Variants in SEZ6L observed in about 807,000 individuals in gnomAD.
SEZ6L encodes the protein seizure 6-like protein.
SEZ6L carries 37 observed loss-of-function variants against 106.2 expected under a neutral mutation model. The ratio of observed to expected loss-of-function variants is 0.35; its 90% CI spans 0.27 to 0.46. The LOEUF is 0.46. Ranked by LOEUF, SEZ6L falls within the 20% of genes least tolerant of loss-of-function variation. The pLI is 1.00. For missense variants in SEZ6L, 1,172 were observed against 1,332.8 expected, an observed-to-expected ratio of 0.88 and a Z score of 1.88; for synonymous variants, 541 against 570.4, an observed-to-expected ratio of 0.95 and a Z score of 0.73.
intron 1 of SEZ6L, among the ~76,000 whole-genome samples, chr22:26,178,250 C>T (rs1028642241): frequency 6.6e-6 from 1 of 152,172 alleles, no homozygotes; most frequent in African/African-American, 2.4e-5. Flanking sequence ...AAGGCACCAG[C>T]AGATAAGCTT....
At chr22:26,353,943 A>G (rs1161193512) in intron 12 of SEZ6L, among the ~76,000 whole-genome samples, 1 of 152,198 alleles carries the variant, frequency 6.6e-6, no homozygotes, top group East Asian at 1.9e-4. Context: ...TCAAAGTTCT[A>G]ACCCACAGTA....
In SEZ6L at chr22:26,298,929, T is replaced by C. The variant is rs930571191; in HGVS notation, c.1163-55T>C. 1.5e-5 allele frequency: 22 copies of C among 1,487,198 alleles called. No homozygotes were observed. In the Admixed American group the frequency reaches 4.4e-4, roughly 30 times the overall value. The allele number at this position is 1,487,198 out of a possible 1,614,324, so 92.1% of individuals were successfully genotyped here. On this transcript the variant is annotated intron_variant, in intron 4 of 16. Coordinates refer to ENST00000248933, the MANE Select transcript of SEZ6L (RefSeq NM_021115.5). ...ACTGGCTCCCAGGATGTGGGTCAGG[T>C]TCTTGATCTGCCACTCCAAGTGATG...
At chr22:26,267,434 A>C (rs2080226437) in intron 1 of SEZ6L, among the ~76,000 whole-genome samples, 1 of 152,248 alleles carries the variant, frequency 6.6e-6, no homozygotes, top group Non-Finnish European at 1.5e-5. Flanking sequence ...CTTTTTGTAG[A>C]GAGCTTTGAA....
chr22:26,193,453 T>G (rs1940373642), intron 1 of SEZ6L, among the ~76,000 whole-genome samples: 1 of 152,230 alleles, frequency 6.6e-6, no homozygotes. Context: ...TGGCCCAATG[T>G]GGTTCTGCTA....
At chr22:26,370,309 T>C (rs639380) in intron 13 of SEZ6L, among the ~76,000 whole-genome samples, 31,866 of 151,534 alleles carry the variant, frequency 0.21, 3,931 homozygotes, top group African/African-American at 0.33. Flanking sequence ...GGCGTGAACG[T>C]GGGAGGCGGA....
intron 9 of SEZ6L, among the ~76,000 whole-genome samples, chr22:26,318,491 G>A (rs1053112458): frequency 6.6e-6 from 1 of 151,676 alleles, no homozygotes; most frequent in Non-Finnish European, 1.5e-5. Context: ...AGGTGATTGA[G>A]GGTTTAAGCT....
chr22:26,323,120 C>G (rs565518280), intron 9 of SEZ6L, among the ~76,000 whole-genome samples: 34 of 152,272 alleles, frequency 2.2e-4, no homozygotes, highest in Admixed American at 2.2e-3. Context: ...GAGCTCAGCA[C>G]GGGGGCCACA....
intron 1 of SEZ6L, among the ~76,000 whole-genome samples, chr22:26,244,910 C>T (rs1015597480): frequency 3.3e-5 from 5 of 152,066 alleles, no homozygotes; most frequent in African/African-American, 4.8e-5. Context: ...AATAGCAGAA[C>T]GAGGGGTTTG....
At position 26,292,870 on chromosome 22, in the gene SEZ6L, G is replaced by T; in HGVS notation, c.559G>T (p.Asp187Tyr). 6.2e-7 allele frequency: 1 copy of T among 1,614,174 alleles called. No homozygotes were observed. The highest frequency in any genetic ancestry group is 1.7e-5 in the Admixed American group (1 of 60,024). Residue 187 changes from aspartate (D) to tyrosine (Y), a missense_variant, in exon 2 of 17, where the codon GAC becomes TAC. By Grantham distance (160) the Asp-to-Tyr change is radical (BLOSUM62 -3). This residue lies in a region of SEZ6L where 494 missense variants were observed against 445.8 expected (regional missense o/e 1.11). Coordinates refer to ENST00000248933, the MANE Select transcript of SEZ6L (RefSeq NM_021115.5). ...EEASEVPLWL[D>Y]RKESAVPTTP... is the part of the protein sequence containing the mutation. ...GGCATCAGAAGTGCCCCTTTGGCTGGACCGAAAGGAGAGTGCGGTCCCTAC... is the reference window on the plus strand; with the variant it reads ...GGCATCAGAAGTGCCCCTTTGGCTGTACCGAAAGGAGAGTGCGGTCCCTAC...
At chr22:26,192,734 G>A (rs1282352682) in intron 1 of SEZ6L, among the ~76,000 whole-genome samples, 1 of 152,158 alleles carries the variant, frequency 6.6e-6, no homozygotes, top group Non-Finnish European at 1.5e-5. Flanking sequence ...GGTAAAATAG[G>A]CCCATTTCCA....
intron 1 of SEZ6L, among the ~76,000 whole-genome samples, chr22:26,288,394 TG>T (rs1413128537): frequency 6.6e-6 from 1 of 152,134 alleles, no homozygotes; most frequent in African/African-American, 2.4e-5. Flanking sequence ...TCTGTGGAGT[TG>T]GGGTTGGAGA....
At chr22:26,272,997 T>C (rs2080418255) in intron 1 of SEZ6L, among the ~76,000 whole-genome samples, 1 of 152,222 alleles carries the variant, frequency 6.6e-6, no homozygotes, top group Non-Finnish European at 1.5e-5. Context: ...ACAATGCATG[T>C]AAAACACTTA....
intron 12 of SEZ6L, among the ~76,000 whole-genome samples, chr22:26,355,317 C>G (rs991036950): frequency 6.6e-6 from 1 of 152,216 alleles, no homozygotes; most frequent in Non-Finnish European, 1.5e-5. Flanking sequence ...CCTGACTAAA[C>G]CCAAAAGCAT....
chr22:26,224,330 A>G (rs561765128), intron 1 of SEZ6L, among the ~76,000 whole-genome samples: 1 of 152,368 alleles, frequency 6.6e-6, no homozygotes, highest in African/African-American at 2.4e-5. Flanking sequence ...GACCTGAACT[A>G]GGAGTCAGCC....
rs1292925358 is a variant in SEZ6L at position 26,382,057 on chromosome 22, T to C, written c.*1762T>C. 1 of 518,836 alleles carries C rather than the reference T, an allele frequency of 1.9e-6. No individual in the cohort carries two copies. The highest frequency in any genetic ancestry group is 1.9e-5 in the Admixed American group (1 of 51,592). The allele number at this position is 518,836 out of a possible 1,614,324, so 32.1% of individuals were successfully genotyped here. A position where few individuals can be genotyped will look rare whatever the true frequency, so the allele number is the denominator to read the frequency against. ...AACTCAGACTTCAATCTTGGGGGTC[T>C]AAGACCAGAATATTTTCCTTCTGCC... On this transcript the variant is annotated 3_prime_UTR_variant, in exon 17 of 17. Transcript: ENST00000248933.
chr22:26,373,498 GAAAAAA>G lies in SEZ6L; in HGVS notation c.2827+22_2827+27del. The G allele has an allele frequency of 7.4e-7, 1 of 1,351,906 alleles. No homozygotes were observed. The highest frequency in any genetic ancestry group is 1.4e-5 in the South Asian group (1 of 69,684). 83.7% of individuals were successfully genotyped at this position (1,351,906 alleles called of 1,614,324 possible). A position where few individuals can be genotyped will look rare whatever the true frequency, so the allele number is the denominator to read the frequency against. On this transcript the variant is annotated intron_variant, in intron 14 of 16. Transcript: ENST00000248933. The stretch of plus-strand genomic sequence containing the variant: ...TGCTTTAGAAGGTGAGTTCCAGAAC[GAAAAAA>G]AAAAAAGTTCAATAAATCAAACTAA...
intron 1 of SEZ6L, among the ~76,000 whole-genome samples, chr22:26,233,142 G>A (rs535005368): frequency 2.6e-5 from 4 of 152,328 alleles, no homozygotes; most frequent in South Asian, 2.1e-4. Context: ...CCTAATCTCC[G>A]ATTGTTCCCT....
intron 1 of SEZ6L, among the ~76,000 whole-genome samples, chr22:26,236,781 A>T (rs527434123): frequency 2.0e-5 from 3 of 152,178 alleles, no homozygotes; most frequent in Admixed American, 2.0e-4. Context: ...GCTTAAAATC[A>T]ATCAGTAATA....
At chr22:26,248,554 A>G (rs2079447870) in intron 1 of SEZ6L, among the ~76,000 whole-genome samples, 1 of 152,188 alleles carries the variant, frequency 6.6e-6, no homozygotes, top group African/African-American at 2.4e-5. Flanking sequence ...CACGGTTGAG[A>G]AAATGAGGTT....
Sources: allele counts gnomAD v4.1 joint callset (sites outside exome capture counted in the v4.1 genomes callset), GRCh38; gene constraint gnomAD v4.1.1; regional missense constraint gnomAD v4.1.1; transcripts MANE v1.5; gene names NCBI Gene and HGNC (gene_info 2026-07-23, HGNC 2026-07-21).